The following PRDM2 variants were observed in gnomAD, a reference collection of about 807,000 sequenced individuals.
The protein encoded by PRDM2 is PR/SET domain 2, also known as PR domain zinc finger protein 2.
Under a neutral mutation model 130.0 loss-of-function variants are expected in PRDM2, and 30 were observed. That is an observed-to-expected ratio of 0.23 (90% CI 0.17 to 0.31). The LOEUF (loss-of-function observed/expected upper bound fraction) is 0.31. PRDM2 is among the 10% of genes least tolerant of loss of function. The pLI, the probability that PRDM2 is intolerant of heterozygous loss-of-function variation, is 1.00. For missense variants in PRDM2, 2,011 were observed against 2,108.4 expected, an observed-to-expected ratio of 0.95 and a Z score of 0.90; for synonymous variants, 871 against 782.4, an observed-to-expected ratio of 1.11 and a Z score of -1.89.
chr1:13,818,462 T>A, intron 9 of PRDM2, among the ~76,000 whole-genome samples: 1 of 147,038 alleles, frequency 6.8e-6, no homozygotes, highest in East Asian at 2.0e-4. Context: ...CACTGCATCC[T>A]CCACCTCCCA....
chr1:13,716,475 G>T (rs1240381333), intron 2 of PRDM2, among the ~76,000 whole-genome samples: 1 of 152,006 alleles, frequency 6.6e-6, no homozygotes, highest in Non-Finnish European at 1.5e-5. Context: ...AAAAAGAGAG[G>T]ATTAAAAGTT....
rs1205771940 is a variant in PRDM2 at position 13,786,828 on chromosome 1, A to C, written c.5036+3997A>C. The stretch of plus-strand genomic sequence containing the variant: ...TGGGACTGGTACCTCAGATCTGAGC[A>C]TGGCCCTTGTTTTTGGCACGTAGCA... On this transcript the variant is annotated intron_variant, in intron 8 of 9. Transcript: ENST00000311066. 3.4e-6 allele frequency: 4 copies of C among 1,171,726 alleles called. No homozygotes were observed. In the African/African-American group the frequency reaches 6.3e-5, roughly 18 times the overall value. 72.6% of individuals were successfully genotyped at this position (1,171,726 alleles called of 1,614,324 possible). A position where few individuals can be genotyped will look rare whatever the true frequency, so the allele number is the denominator to read the frequency against.
chr1:13,811,456 C>G (rs1645172199), intron 8 of PRDM2, among the ~76,000 whole-genome samples: 1 of 152,188 alleles, frequency 6.6e-6, no homozygotes, highest in Admixed American at 6.5e-5. Flanking sequence ...TGTCCTTGTG[C>G]CAGAGACTCT....
intron 8 of PRDM2, among the ~76,000 whole-genome samples, chr1:13,805,822 C>T (rs1324094996): frequency 6.6e-6 from 1 of 152,192 alleles, no homozygotes; most frequent in Non-Finnish European, 1.5e-5. Context: ...AGGCAGAGAT[C>T]CCAGCCCAGG....
chr1:13,735,191 G>A (rs114623133), intron 4 of PRDM2, among the ~76,000 whole-genome samples: 6,953 of 152,294 alleles, frequency 0.046, 284 homozygotes, highest in Non-Finnish European at 0.062. Flanking sequence ...ATCTAACCCA[G>A]TCTTAAGTCC....
chr1:13,741,922 A>G (rs1396170916), intron 4 of PRDM2, 83 bp from the exon 5 acceptor site: 2 of 1,153,878 alleles, frequency 1.7e-6, no homozygotes, highest in Non-Finnish European at 2.5e-6. Context: ...ATGAAAAAGA[A>G]TTATCCTTAA....
chr1:13,712,574 G>A (rs1334519936), intron 1 of PRDM2, among the ~76,000 whole-genome samples: 1 of 152,002 alleles, frequency 6.6e-6, no homozygotes, highest in East Asian at 1.9e-4. Context: ...GGCCAACATG[G>A]TGAAACTCCG....
rs1052847352 is a variant in PRDM2 at position 13,700,206 on chromosome 1, G to C, written c.-160G>C. 2.0e-4 allele frequency: 30 copies of C among 153,022 alleles called. No homozygotes were observed. The highest frequency in any genetic ancestry group is 6.7e-4 in the African/African-American group (28 of 41,514). 9.5% of individuals were successfully genotyped at this position (153,022 alleles called of 1,614,324 possible). A position where few individuals can be genotyped will look rare whatever the true frequency, so the allele number is the denominator to read the frequency against. ...CGACGTCACTTCCGACTGGAGTCAA[G>C]ATGGCGGCGGCGCGGCCGCGGGCGC... On this transcript the variant is annotated 5_prime_UTR_variant, in exon 1 of 10. Transcript: ENST00000311066.
intron 2 of PRDM2, among the ~76,000 whole-genome samples, chr1:13,722,111 A>G (rs753257933): frequency 6.6e-6 from 1 of 152,160 alleles, no homozygotes; most frequent in Non-Finnish European, 1.5e-5. Context: ...ATTCAGACCC[A>G]AACATCCCTT....
At chr1:13,704,139 G>A (rs1291453922) in intron 1 of PRDM2, among the ~76,000 whole-genome samples, 1 of 152,234 alleles carries the variant, frequency 6.6e-6, no homozygotes, top group Non-Finnish European at 1.5e-5. Flanking sequence ...TAAATAAAAC[G>A]TGAAAAGAGA....
At chr1:13,700,648 G>A (rs1569632412) in intron 1 of PRDM2, among the ~76,000 whole-genome samples, 1 of 151,900 alleles carries the variant, frequency 6.6e-6, no homozygotes, top group South Asian at 2.1e-4. Context: ...GGTGCGGGCG[G>A]CGGTGGGGCC....
At chr1:13,753,311 G>A (rs1257074082) in intron 6 of PRDM2, among the ~76,000 whole-genome samples, 1 of 152,232 alleles carries the variant, frequency 6.6e-6, no homozygotes, top group Non-Finnish European at 1.5e-5. Flanking sequence ...CTTAAGGTCA[G>A]TTAGTAGGTT....
intron 8 of PRDM2, among the ~76,000 whole-genome samples, chr1:13,798,481 G>A (rs1014087508): frequency 1.9e-5 from 1 of 53,744 alleles, no homozygotes; most frequent in African/African-American, 2.7e-4. Flanking sequence ...ATAGAGACCA[G>A]TATAAAACTG....
chr1:13,726,944 C>T (rs1016019303), intron 2 of PRDM2, among the ~76,000 whole-genome samples: 3 of 152,104 alleles, frequency 2.0e-5, no homozygotes, highest in African/African-American at 7.2e-5. Flanking sequence ...GCGGAGCTTG[C>T]GATCTGCTCT....
intron 2 of PRDM2, among the ~76,000 whole-genome samples, chr1:13,727,433 T>G (rs1197460829): frequency 6.6e-6 from 1 of 152,174 alleles, no homozygotes; most frequent in Non-Finnish European, 1.5e-5. Context: ...TTTTGTATTT[T>G]AAGTAGAGAC....
chr1:13,722,300 C>G (rs1340258835), intron 2 of PRDM2, among the ~76,000 whole-genome samples: 1 of 152,020 alleles, frequency 6.6e-6, no homozygotes, highest in Non-Finnish European at 1.5e-5. Context: ...TTGAACTTGA[C>G]CTGGAAGGAT....
chr1:13,820,440 G>A (rs2235514), intron 9 of PRDM2, among the ~76,000 whole-genome samples: 125,757 of 152,198 alleles, frequency 0.83, 52,054 homozygotes, highest in Middle Eastern at 0.87. Context: ...AAAGTGCTGT[G>A]CTGCCTAGTC....
At chr1:13,815,412 G>A (rs1645241736) in intron 8 of PRDM2, among the ~76,000 whole-genome samples, 1 of 152,068 alleles carries the variant, frequency 6.6e-6, no homozygotes, top group African/African-American at 2.4e-5. Context: ...GCACCTGGCC[G>A]GATGTTTATT....
At chr1:13,712,656 C>T (rs1642407233) in intron 1 of PRDM2, among the ~76,000 whole-genome samples, 1 of 152,162 alleles carries the variant, frequency 6.6e-6, no homozygotes, top group South Asian at 2.1e-4. Flanking sequence ...ACTCAGGAGG[C>T]TGAGGCAGGA....
Sources: allele counts gnomAD v4.1 joint callset (sites outside exome capture counted in the v4.1 genomes callset), GRCh38; gene constraint gnomAD v4.1.1; transcripts MANE v1.5; gene names NCBI Gene and HGNC (gene_info 2026-07-23, HGNC 2026-07-21).